SRPK2: variants seen among roughly 807,000 people sequenced by gnomAD.
SRPK2 encodes the protein SRSF protein kinase 2, also known as SFRS protein kinase 2.
In SRPK2, 21 loss-of-function variants were observed where a neutral mutation model predicts 90.8. That is an observed-to-expected ratio of 0.23 (90% CI 0.16 to 0.33). The LOEUF is 0.33. SRPK2 is among the 10% of genes least tolerant of loss of function. The pLI is 1.00. For missense variants in SRPK2, 620 were observed against 869.0 expected, an observed-to-expected ratio of 0.71 and a Z score of 3.60; for synonymous variants, 288 against 311.1, an observed-to-expected ratio of 0.93 and a Z score of 0.78.
At chr7:105,320,011 TTAACATTCCAAATAA>T (rs1001896269) in intron 2 of SRPK2, among the ~76,000 whole-genome samples, 8 of 152,312 alleles carry the variant, frequency 5.3e-5, no homozygotes, top group South Asian at 2.1e-4. Flanking sequence ...AGTTTTTCTG[TTAACATTCCAAATAA>T]TAACATTCCA....
chr7:105,286,185 C>A (rs1326110301), intron 2 of SRPK2, among the ~76,000 whole-genome samples: 2 of 152,186 alleles, frequency 1.3e-5, no homozygotes, highest in East Asian at 3.9e-4. Flanking sequence ...CTATGCATCT[C>A]CACTTTCAAA....
At chr7:105,161,339 T>C (rs1393569177) in intron 6 of SRPK2, among the ~76,000 whole-genome samples, 1 of 152,244 alleles carries the variant, frequency 6.6e-6, no homozygotes, top group Admixed American at 6.5e-5. Flanking sequence ...TTACTGGTGT[T>C]TCCCAAATAT....
chr7:105,152,508 G>A (rs1231149913), intron 7 of SRPK2, among the ~76,000 whole-genome samples: 2 of 152,110 alleles, frequency 1.3e-5, no homozygotes, highest in Non-Finnish European at 2.9e-5. Context: ...TTCCAGTGAA[G>A]TTTTAAGTAA....
At chr7:105,218,879 G>A (rs926004278) in intron 2 of SRPK2, among the ~76,000 whole-genome samples, 1 of 144,580 alleles carries the variant, frequency 6.9e-6, no homozygotes, top group African/African-American at 2.5e-5. Flanking sequence ...AGAAAAAGAA[G>A]AAAACCCCAA....
chr7:105,232,232 G>A (rs564767914), intron 2 of SRPK2, among the ~76,000 whole-genome samples: 5 of 151,932 alleles, frequency 3.3e-5, no homozygotes, highest in East Asian at 1.9e-4. Flanking sequence ...TTTGGGAGGC[G>A]GACAGATCAC....
At chr7:105,149,335 T>C (rs185046690) in intron 7 of SRPK2, among the ~76,000 whole-genome samples, 3,183 of 152,290 alleles carry the variant, frequency 0.021, 37 homozygotes, top group Non-Finnish European at 0.029. Context: ...ATAAATCTGG[T>C]GTACGTGCAC....
intron 2 of SRPK2, among the ~76,000 whole-genome samples, chr7:105,361,146 A>C (rs1352557926): frequency 6.6e-6 from 1 of 152,214 alleles, no homozygotes; most frequent in Non-Finnish European, 1.5e-5. Context: ...GTCAATGTAC[A>C]AAAATCACAA....
chr7:105,300,154 G>A (rs967678500), intron 2 of SRPK2, among the ~76,000 whole-genome samples: 1 of 150,178 alleles, frequency 6.7e-6, no homozygotes, highest in Non-Finnish European at 1.5e-5. Context: ...TCAGGAGGGT[G>A]AGACAGGAGA....
At chr7:105,281,442 A>G (rs1047152141) in intron 2 of SRPK2, among the ~76,000 whole-genome samples, 6 of 152,228 alleles carry the variant, frequency 3.9e-5, no homozygotes, top group Middle Eastern at 3.4e-3. Context: ...GCACCAACCT[A>G]ATAATTTCCA....
chr7:105,197,603 G>T (rs7796945), intron 3 of SRPK2, among the ~76,000 whole-genome samples: 1 of 151,892 alleles, frequency 6.6e-6, no homozygotes, highest in Admixed American at 6.6e-5. Flanking sequence ...AAATGCAGTG[G>T]AGTTAACAAA....
At chr7:105,366,931 T>C (rs1212828648) in intron 2 of SRPK2, among the ~76,000 whole-genome samples, 2 of 152,226 alleles carry the variant, frequency 1.3e-5, no homozygotes, top group Non-Finnish European at 2.9e-5. Context: ...CATCATGACA[T>C]TTCTCTCCTT....
chr7:105,178,464 G>A (rs941738373), intron 3 of SRPK2, among the ~76,000 whole-genome samples: 9 of 152,148 alleles, frequency 5.9e-5, no homozygotes, highest in Admixed American at 1.3e-4. Flanking sequence ...GACTGCTCTA[G>A]AGGAAAAACC....
chr7:105,252,891 G>A (rs889142425), intron 2 of SRPK2, among the ~76,000 whole-genome samples: 3 of 151,344 alleles, frequency 2.0e-5, no homozygotes, highest in Non-Finnish European at 2.9e-5. Flanking sequence ...CTATAGGCAC[G>A]CACCCCACGT....
At position 105,388,855 on chromosome 7, in the gene SRPK2, C is replaced by G; in HGVS notation, c.-49G>C. 7.6e-7 allele frequency: 1 copy of G among 1,312,022 alleles called. No homozygotes were observed. The highest frequency in any genetic ancestry group is 1.6e-5 in the African/African-American group (1 of 64,400). The allele number at this position is 1,312,022 out of a possible 1,614,324, so 81.3% of individuals were successfully genotyped here. ...GGGGGCTTCGCGACGGCGACGCGGGCGCCGAGACGAGCTGGGCTGCAGCCT... is the reference window on the plus strand; with the variant it reads ...GGGGGCTTCGCGACGGCGACGCGGGGGCCGAGACGAGCTGGGCTGCAGCCT... On this transcript the variant is annotated 5_prime_UTR_variant, in exon 1 of 16. Transcript: ENST00000393651.
At chr7:105,277,357 T>C (rs1350460949) in intron 2 of SRPK2, among the ~76,000 whole-genome samples, 1 of 152,214 alleles carries the variant, frequency 6.6e-6, no homozygotes, top group Non-Finnish European at 1.5e-5. Flanking sequence ...ATTACAGGCG[T>C]GAGCCACTGC....
intron 15 of SRPK2, chr7:105,125,986 G>A: frequency 1.5e-6 from 1 of 661,126 alleles, no homozygotes; most frequent in East Asian, 3.1e-5. Flanking sequence ...CAACTTGAAT[G>A]ACCAAAAGTA....
chr7:105,390,616 T>G (rs970900327), upstream of SRPK2, among the ~76,000 whole-genome samples: 237 of 148,508 alleles, frequency 1.6e-3, no homozygotes, highest in Non-Finnish European at 2.3e-3. Context: ...TGTTTTTTTT[T>G]TTTTTTTTTT....
chr7:105,211,909 T>A (rs1428828950), intron 2 of SRPK2, among the ~76,000 whole-genome samples: 2 of 152,202 alleles, frequency 1.3e-5, no homozygotes, highest in Non-Finnish European at 2.9e-5. Flanking sequence ...TAATCTACAT[T>A]TTAGAAAAGA....
Position 105,388,686 on chromosome 7 carries a change from G to T in SRPK2, c.33C>A (p.Ala11=). 6.3e-7 allele frequency: 1 copy of T among 1,588,558 alleles called. No homozygotes were observed. The highest frequency in any genetic ancestry group is 8.6e-7 in the Non-Finnish European group (1 of 1,167,156). Residue 11 remains alanine, a synonymous_variant, in exon 2 of 16, where the codon GCC becomes GCA. Transcript: ENST00000393651. The part of the protein sequence containing the change: MSSRKVLAIQ[A]RKRRPKREKH... ...TCTCTCTTTTCGGCCTCCGCTTTCG[G>T]GCCTGAATGGCCAGCACTGGGGAAG...
Sources: allele counts gnomAD v4.1 joint callset (sites outside exome capture counted in the v4.1 genomes callset), GRCh38; gene constraint gnomAD v4.1.1; transcripts MANE v1.5; gene names NCBI Gene and HGNC (gene_info 2026-07-23, HGNC 2026-07-21).